Variants in EXOC6B observed in about 807,000 individuals in gnomAD.
EXOC6B encodes the protein SEC15 homolog B.
EXOC6B carries 54 observed loss-of-function variants against 113.5 expected under a neutral mutation model. The ratio of observed to expected loss-of-function variants is 0.48; its 90% CI spans 0.38 to 0.60. The LOEUF (loss-of-function observed/expected upper bound fraction) is 0.60, where lower values mean the gene tolerates loss of function less well. Among genes scored for constraint, EXOC6B ranks in the 20% least tolerant of loss-of-function variants. The probability of loss-of-function intolerance (pLI) is 0.00; values close to 1 mark genes in which losing one functional copy is unlikely to be tolerated. For synonymous variants in EXOC6B, 357 were observed against 339.0 expected (o/e 1.05, Z -0.58); for missense variants, 797 against 977.5 (o/e 0.82, Z 2.46).
At chr2:72,380,810 C>A (rs1691635181) in intron 18 of EXOC6B, among the ~76,000 whole-genome samples, 1 of 152,030 alleles carries the variant, frequency 6.6e-6, no homozygotes, top group African/African-American at 2.4e-5. Context: ...TTAGTGTCTT[C>A]TTTAAAAGAT....
At chr2:72,725,451 C>T (rs1223954680) in intron 5 of EXOC6B, among the ~76,000 whole-genome samples, 2 of 151,926 alleles carry the variant, frequency 1.3e-5, no homozygotes, top group South Asian at 2.1e-4. Context: ...GAGTGCAGTG[C>T]GCCATCTCGG....
At chr2:72,375,618 A>T (rs1244901850) in intron 19 of EXOC6B, among the ~76,000 whole-genome samples, 2 of 152,226 alleles carry the variant, frequency 1.3e-5, no homozygotes, top group Non-Finnish European at 2.9e-5. Flanking sequence ...ATGAATAAAA[A>T]TTAAAACATG....
At chr2:72,321,418 C>T (rs1007614854) in intron 20 of EXOC6B, among the ~76,000 whole-genome samples, 8 of 151,576 alleles carry the variant, frequency 5.3e-5, no homozygotes, top group Admixed American at 1.3e-4. Flanking sequence ...ACCTGTAGTC[C>T]CAGCTACTCG....
intron 6 of EXOC6B, among the ~76,000 whole-genome samples, chr2:72,696,386 C>T (rs776420802): frequency 1.3e-5 from 2 of 152,196 alleles, no homozygotes; most frequent in Non-Finnish European, 2.9e-5. Context: ...TACCTATCTT[C>T]AACTTGATGT....
intron 6 of EXOC6B, among the ~76,000 whole-genome samples, chr2:72,597,332 G>A (rs1670135541): frequency 6.6e-6 from 1 of 151,700 alleles, no homozygotes; most frequent in South Asian, 2.1e-4. Context: ...CTGTTACAAT[G>A]TATCTGCCCT....
intron 20 of EXOC6B, among the ~76,000 whole-genome samples, chr2:72,243,901 T>A (rs1288912694): frequency 6.6e-6 from 1 of 152,144 alleles, no homozygotes; most frequent in Non-Finnish European, 1.5e-5. Context: ...AAAAAGTACA[T>A]TTGGCAACAA....
At chr2:72,620,436 T>C (rs1407265573) in intron 6 of EXOC6B, among the ~76,000 whole-genome samples, 1 of 148,526 alleles carries the variant, frequency 6.7e-6, no homozygotes, top group Non-Finnish European at 1.5e-5. Context: ...CTTGTAACCC[T>C]GAACTTAAAA....
rs1686825755 is a variant in EXOC6B at position 72,825,165 on chromosome 2, C to A, written c.113+633G>T. On this transcript the variant is annotated intron_variant, in intron 1 of 21. Transcript: ENST00000272427. This position sits in a 1 kb window ranked among gnomAD's most constrained non-coding sequence, Gnocchi z 4.4. ...ATGTGCGTGCAAAAAAAAATGATAA[C>A]TGGGGGGCGGCAGCAGGGTCAGTTT... Among the ~76,000 whole-genome samples the A allele has an allele frequency of 6.6e-6, 1 of 151,918 alleles. No homozygotes were observed.
At chr2:72,455,217 A>G (rs1047029554) in intron 18 of EXOC6B, among the ~76,000 whole-genome samples, 1 of 152,204 alleles carries the variant, frequency 6.6e-6, no homozygotes, top group African/African-American at 2.4e-5. Flanking sequence ...GAATTGGGCT[A>G]AATTACAGTC....
intron 1 of EXOC6B, among the ~76,000 whole-genome samples, chr2:72,812,682 C>T (rs902336481): frequency 8.2e-6 from 1 of 122,682 alleles, no homozygotes; most frequent in Non-Finnish European, 1.9e-5. Flanking sequence ...TGGGGGAGAC[C>T]CCCATCTCTA....
chr2:72,639,469 G>T (rs1673076983), intron 6 of EXOC6B, among the ~76,000 whole-genome samples: 1 of 152,216 alleles, frequency 6.6e-6, no homozygotes, highest in Admixed American at 6.5e-5. Flanking sequence ...TGTGGTGAAT[G>T]CCGGCATGGA....
chr2:72,461,927 T>C (rs1223366901), intron 18 of EXOC6B: 1 of 152,094 alleles, frequency 6.6e-6, no homozygotes, highest in Non-Finnish European at 1.5e-5. Flanking sequence ...GTCTTATTAA[T>C]AGAGTTACAA....
At chr2:72,531,928 T>G (rs1000524155) in intron 8 of EXOC6B, among the ~76,000 whole-genome samples, 1 of 152,036 alleles carries the variant, frequency 6.6e-6, no homozygotes, top group African/African-American at 2.4e-5. Flanking sequence ...GAGGTTGCAG[T>G]GAGCCAAGAT....
intron 19 of EXOC6B, among the ~76,000 whole-genome samples, chr2:72,361,386 T>C (rs1479411687): frequency 6.6e-6 from 1 of 152,144 alleles, no homozygotes; most frequent in East Asian, 1.9e-4. Context: ...AAAATGCTAG[T>C]GTGGATCTGT....
chr2:72,357,643 A>T (rs1338070104), intron 19 of EXOC6B, among the ~76,000 whole-genome samples: 2 of 152,088 alleles, frequency 1.3e-5, no homozygotes, highest in East Asian at 3.9e-4. Flanking sequence ...GTGAGCTGAG[A>T]CAGTGCCACC....
chr2:72,437,847 T>G (rs1695967402), intron 18 of EXOC6B, among the ~76,000 whole-genome samples: 1 of 152,150 alleles, frequency 6.6e-6, no homozygotes, highest in Non-Finnish European at 1.5e-5. Flanking sequence ...AAACCTAGAG[T>G]AAATCTATTT....
intron 18 of EXOC6B, among the ~76,000 whole-genome samples, chr2:72,401,529 A>G (rs1365769863): frequency 4.9e-5 from 1 of 20,508 alleles, no homozygotes; most frequent in Non-Finnish European, 7.4e-5. Flanking sequence ...ATATACATAT[A>G]TATATATATA....
rs1271089957 is a variant in EXOC6B at position 72,725,886 on chromosome 2, CA to C, written c.464+5120del. ...GAAATTCTACTCCTAAGTATATTTG[CA>C]AGAAAACTGAAAGCATATGCTCACA... On this transcript the variant is annotated intron_variant, in intron 5 of 21. Coordinates refer to ENST00000272427, the MANE Select transcript of EXOC6B (RefSeq NM_015189.3). 3.9e-5 allele frequency among the ~76,000 whole-genome samples: 6 copies of C among 152,220 alleles called. No homozygotes were observed. The East Asian group carries it at 1.2e-3, about 29-fold the overall frequency.
At chr2:72,585,558 T>C (rs978210112) in intron 6 of EXOC6B, among the ~76,000 whole-genome samples, 168 of 151,702 alleles carry the variant, frequency 1.1e-3, no homozygotes, top group African/African-American at 4.0e-3. Context: ...GATCACGCCA[T>C]TGCACTCCAG....
Sources: allele counts gnomAD v4.1 joint callset (sites outside exome capture counted in the v4.1 genomes callset), GRCh38; gene constraint gnomAD v4.1.1; non-coding constraint Gnocchi (gnomAD v3.1); transcripts MANE v1.5; gene names NCBI Gene and HGNC (gene_info 2026-07-23, HGNC 2026-07-21).